Variants in PRIM2 observed in about 807,000 individuals in gnomAD.
The protein encoded by PRIM2 is DNA primase subunit 2.
A neutral mutation model predicts 67.3 loss-of-function variants in PRIM2; 39 were observed. That is an observed-to-expected ratio of 0.58 (90% CI 0.45 to 0.76). The LOEUF is 0.76. Ranked by LOEUF, PRIM2 falls within the 30% of genes least tolerant of loss-of-function variation. The pLI is 0.00. For synonymous variants in PRIM2, 143 were observed against 198.7 expected (o/e 0.72, Z 2.36); for missense variants, 398 against 598.7 (o/e 0.66, Z 3.50).
At chr6:57,381,140 C>A (rs1769947783) in intron 6 of PRIM2, among the ~76,000 whole-genome samples, 2 of 152,250 alleles carry the variant, frequency 1.3e-5, no homozygotes, top group South Asian at 4.1e-4. Flanking sequence ...GTTTGACTTT[C>A]CGTGTGTGCC....
At chr6:57,434,232 G>A (rs1771936397) in intron 7 of PRIM2, among the ~76,000 whole-genome samples, 2 of 87,596 alleles carry the variant, frequency 2.3e-5, no homozygotes, top group Non-Finnish European at 5.6e-5. Flanking sequence ...GACTTCCTGA[G>A]TTTTTAAATA....
At chr6:57,282,872 A>G in the PRIM2 span, among the ~76,000 whole-genome samples, 1 of 152,182 alleles carries the variant, frequency 6.6e-6, no homozygotes, top group Non-Finnish European at 1.5e-5. Flanking sequence ...TGGCAGTCCT[A>G]CTAAACGAAT....
At chr6:57,467,535 A>G (rs1773234287) in intron 7 of PRIM2, among the ~76,000 whole-genome samples, 2 of 152,250 alleles carry the variant, frequency 1.3e-5, no homozygotes, top group Admixed American at 1.3e-4. Context: ...GTAGCCGTAT[A>G]GTATAGTTTG....
intron 8 of PRIM2, among the ~76,000 whole-genome samples, chr6:57,527,984 G>A (rs1774796812): frequency 6.6e-6 from 1 of 151,606 alleles, no homozygotes; most frequent in East Asian, 1.9e-4. Context: ...TTATTTTTGA[G>A]ACAGGGTCTC....
intron 7 of PRIM2, among the ~76,000 whole-genome samples, chr6:57,403,561 C>G (rs1462798870): frequency 1.3e-5 from 2 of 151,964 alleles, no homozygotes; most frequent in African/African-American, 4.8e-5. Flanking sequence ...CGCGCCTGGC[C>G]CATGTGAAGA....
At chr6:57,415,235 T>G (rs2127367140) in intron 7 of PRIM2, among the ~76,000 whole-genome samples, 1 of 152,338 alleles carries the variant, frequency 6.6e-6, no homozygotes, top group Admixed American at 6.5e-5. Flanking sequence ...GATGTTTTAT[T>G]TACTTATTCA....
At chr6:57,572,681 G>A (rs1188256485) in intron 10 of PRIM2, among the ~76,000 whole-genome samples, 2 of 152,336 alleles carry the variant, frequency 1.3e-5, no homozygotes, top group South Asian at 2.1e-4. Flanking sequence ...ATAGAGAGAT[G>A]TCCCTGCCAT....
chr6:57,537,595 A>C lies in PRIM2; in HGVS notation c.990A>C (p.Glu330Asp), dbSNP rs1775026824. 6.4e-7 allele frequency: 1 copy of C among 1,559,830 alleles called. No homozygotes were observed. Among genetic ancestry groups the C allele is most frequent in the African/African-American group, 1.4e-5 (1 of 73,340 alleles). ...LEQALQFWKQ[E>D]FIKGKMDPDK... ...AGGCATTGCAGTTCTGGAAGCAAGA[A>C]TTTATCAAAGGAAAGATGGATCCAG... Residue 330 changes from glutamate (E) to aspartate (D), a missense_variant, in exon 10 of 14, where the codon GAA becomes GAC. Physicochemically the swap from Glu to Asp is conservative, Grantham distance 45. This residue lies in a region of PRIM2 where 229 missense variants were observed against 383.6 expected (regional missense o/e 0.60). Transcript: ENST00000615550.
chr6:57,427,264 T>C (rs1771663896), intron 7 of PRIM2, among the ~76,000 whole-genome samples: 1 of 152,246 alleles, frequency 6.6e-6, no homozygotes, highest in South Asian at 2.1e-4. Flanking sequence ...TAAAAACTAT[T>C]AGCTAAATTG....
intron 12 of PRIM2, among the ~76,000 whole-genome samples, chr6:57,629,482 G>A (rs1777007853): frequency 6.6e-6 from 1 of 152,288 alleles, no homozygotes; most frequent in Non-Finnish European, 1.5e-5. Context: ...GGTATCTCAT[G>A]CATTATTTTA....
At chr6:57,375,495 C>T (rs1769731284) in intron 5 of PRIM2, among the ~76,000 whole-genome samples, 1 of 152,124 alleles carries the variant, frequency 6.6e-6, no homozygotes, top group Non-Finnish European at 1.5e-5. Context: ...ATTTTTGCAT[C>T]AGTGTTCATC....
intron 10 of PRIM2, among the ~76,000 whole-genome samples, chr6:57,571,283 A>C (rs1775858219): frequency 1.3e-5 from 2 of 152,158 alleles, no homozygotes; most frequent in Non-Finnish European, 2.9e-5. Flanking sequence ...CCTACATATC[A>C]GTAAGGTAAT....
chr6:57,322,933 G>C (rs1767708449), intron 3 of PRIM2, among the ~76,000 whole-genome samples: 1 of 152,192 alleles, frequency 6.6e-6, no homozygotes, highest in Non-Finnish European at 1.5e-5. Flanking sequence ...GATTTTCTGA[G>C]AAGTGAGGAA....
the PRIM2 span, among the ~76,000 whole-genome samples, chr6:57,272,819 C>G: frequency 6.6e-6 from 1 of 152,100 alleles, no homozygotes. Context: ...TAGGGCAGGC[C>G]TGATGGTGAC....
At chr6:57,321,858 A>G (rs911717830) in intron 3 of PRIM2, among the ~76,000 whole-genome samples, 4 of 152,186 alleles carry the variant, frequency 2.6e-5, no homozygotes, top group African/African-American at 7.2e-5. Flanking sequence ...AACTTGCCCA[A>G]GCTCATAAGA....
At chr6:57,327,797 T>C (rs953193979) in intron 5 of PRIM2, among the ~76,000 whole-genome samples, 8 of 152,198 alleles carry the variant, frequency 5.3e-5, no homozygotes, top group African/African-American at 1.9e-4. Flanking sequence ...TTATTTATTC[T>C]AGGGCAGCCA....
intron 10 of PRIM2, among the ~76,000 whole-genome samples, chr6:57,571,967 C>A (rs1290944584): frequency 6.6e-5 from 10 of 152,154 alleles, no homozygotes; most frequent in African/African-American, 2.4e-4. Context: ...CATGTCAACC[C>A]CTGTATGTGT....
rs375499164 is a variant in PRIM2 at position 57,332,251 on chromosome 6, T to G, written c.459+6206T>G. Reference sequence around the variant, plus strand: ...GAATATATTTTATATGACTGCAATCTTTTAAAATTTATTGAATTTTATTTT... The same window carrying G: ...GAATATATTTTATATGACTGCAATCGTTTAAAATTTATTGAATTTTATTTT... On this transcript the variant is annotated intron_variant, in intron 5 of 13. Coordinates refer to ENST00000615550, the MANE Select transcript of PRIM2 (RefSeq NM_000947.5). 1.3e-4 allele frequency among the ~76,000 whole-genome samples: 20 copies of G among 152,324 alleles called. No homozygotes were observed. The East Asian group carries it at 2.3e-3, about 18-fold the overall frequency.
chr6:57,254,059 G>C, the PRIM2 span, among the ~76,000 whole-genome samples: 3 of 152,150 alleles, frequency 2.0e-5, no homozygotes, highest in African/African-American at 7.2e-5. Context: ...TCATCATTTG[G>C]AGGGCTTCTG....
Sources: allele counts gnomAD v4.1 joint callset (sites outside exome capture counted in the v4.1 genomes callset), GRCh38; gene constraint gnomAD v4.1.1; regional missense constraint gnomAD v4.1.1; transcripts MANE v1.5; gene names NCBI Gene and HGNC (gene_info 2026-07-23, HGNC 2026-07-21).